Variants in USO1 observed in about 807,000 individuals in gnomAD.
USO1 encodes the protein USO1 vesicle transport factor.
In USO1, 57 loss-of-function variants were observed where a neutral mutation model predicts 124.5. The observed-to-expected ratio is 0.46, with a 90% CI of 0.37 to 0.57. The LOEUF (loss-of-function observed/expected upper bound fraction) is 0.57, where lower values mean the gene tolerates loss of function less well. Among genes scored for constraint, USO1 ranks in the 20% least tolerant of loss-of-function variants. USO1 has a pLI of 0.00. For synonymous variants in USO1, 369 were observed against 362.8 expected (o/e 1.02, Z -0.19); for missense variants, 900 against 1,040.6 (o/e 0.86, Z 1.86).
chr4:75,744,073 G>C (rs919486711), intron 1 of USO1, among the ~76,000 whole-genome samples: 1 of 152,020 alleles, frequency 6.6e-6, no homozygotes. Flanking sequence ...ACTGTGCCTC[G>C]CCCCTGTTTT....
chr4:75,757,463 G>A (rs1301461010), intron 3 of USO1, 34 bp from the exon 4 acceptor site: 1 of 1,432,316 alleles, frequency 7.0e-7, no homozygotes, highest in Non-Finnish European at 9.2e-7. Context: ...ACTCTCATCA[G>A]CAGTGTATAA....
At chr4:75,794,781 C>G (rs541456959) in intron 13 of USO1, among the ~76,000 whole-genome samples, 1 of 152,128 alleles carries the variant, frequency 6.6e-6, no homozygotes. Flanking sequence ...GAAACATTAG[C>G]TCCATCCATA....
At chr4:75,796,399 G>A (rs576183452) in intron 13 of USO1, among the ~76,000 whole-genome samples, 60 of 142,312 alleles carry the variant, frequency 4.2e-4, no homozygotes, top group African/African-American at 1.4e-3. Context: ...GCAATGGCAC[G>A]ATCTTGGCTC....
At chr4:75,809,463 A>T (rs536835487) in intron 21 of USO1, among the ~76,000 whole-genome samples, 3 of 152,074 alleles carry the variant, frequency 2.0e-5, no homozygotes, top group Non-Finnish European at 4.4e-5. Context: ...TCTTCAATTT[A>T]TCTCTCTTCT....
At chr4:75,726,586 T>G (rs1261993081) in intron 1 of USO1, among the ~76,000 whole-genome samples, 3 of 150,124 alleles carry the variant, frequency 2.0e-5, no homozygotes, top group African/African-American at 7.3e-5. Context: ...AAAAAATAAC[T>G]GCGCAGGTCT....
At chr4:75,746,511 C>T (rs1197010993) in intron 1 of USO1, among the ~76,000 whole-genome samples, 1 of 152,168 alleles carries the variant, frequency 6.6e-6, no homozygotes, top group African/African-American at 2.4e-5. Flanking sequence ...TACTTTTGTA[C>T]AGAATTTTTG....
chr4:75,751,839 A>G (rs1250668494), intron 1 of USO1, among the ~76,000 whole-genome samples: 1 of 152,014 alleles, frequency 6.6e-6, no homozygotes, highest in Non-Finnish European at 1.5e-5. Flanking sequence ...TCTCAAAAAA[A>G]AAAATTTTTT....
At chr4:75,777,719 A>G (rs1722110153) in intron 8 of USO1, among the ~76,000 whole-genome samples, 1 of 151,942 alleles carries the variant, frequency 6.6e-6, no homozygotes, top group Admixed American at 6.7e-5. Context: ...GTGGAACAAC[A>G]AAAACACATT....
At chr4:75,739,708 A>G (rs7698393) in intron 1 of USO1, among the ~76,000 whole-genome samples, 136,865 of 151,624 alleles carry the variant, frequency 0.9, 61,918 homozygotes, top group African/African-American at 0.97. Context: ...CACCACACTC[A>G]GCTAGTTTTT....
chr4:75,733,013 C>T (rs1720681703), intron 1 of USO1, among the ~76,000 whole-genome samples: 1 of 150,036 alleles, frequency 6.7e-6, no homozygotes, highest in Non-Finnish European at 1.5e-5. Flanking sequence ...ATAATCTTAG[C>T]ACTTTGGGAG....
At chr4:75,763,797 G>C (rs1177673981) in intron 4 of USO1, among the ~76,000 whole-genome samples, 3 of 151,924 alleles carry the variant, frequency 2.0e-5, no homozygotes, top group African/African-American at 4.8e-5. Flanking sequence ...GAGAGAAGAT[G>C]GTTTACTTGT....
intron 4 of USO1, among the ~76,000 whole-genome samples, chr4:75,758,273 A>G (rs1721499830): frequency 6.6e-6 from 1 of 152,154 alleles, no homozygotes; most frequent in African/African-American, 2.4e-5. Flanking sequence ...TGAAGAGTGT[A>G]TTTGTCATAT....
intron 20 of USO1, among the ~76,000 whole-genome samples, chr4:75,807,903 TTAAG>T (rs1560463246): frequency 6.6e-6 from 1 of 152,096 alleles, no homozygotes; most frequent in Non-Finnish European, 1.5e-5. Context: ...TATGTATTTT[TTAAG>T]TGACAGTTTT....
chr4:75,739,748 T>C (rs776368785), intron 1 of USO1, among the ~76,000 whole-genome samples: 58 of 151,918 alleles, frequency 3.8e-4, no homozygotes, highest in Non-Finnish European at 7.7e-4. Flanking sequence ...GGTTTCACCA[T>C]GTTGGCCAGG....
chr4:75,784,840 A>C (rs1254062944), intron 9 of USO1, among the ~76,000 whole-genome samples: 1 of 152,182 alleles, frequency 6.6e-6, no homozygotes. Context: ...GCATGTAAAC[A>C]GAAAAATACA....
intron 19 of USO1, among the ~76,000 whole-genome samples, chr4:75,806,120 T>C (rs1175986190): frequency 1.3e-5 from 2 of 151,998 alleles, no homozygotes; most frequent in Non-Finnish European, 2.9e-5. Context: ...GCCTCCCGAG[T>C]AGCTGGGATT....
chr4:75,759,244 ACC>A (rs1560443222), intron 4 of USO1, among the ~76,000 whole-genome samples: 3 of 10,660 alleles, frequency 2.8e-4, no homozygotes, highest in African/African-American at 1.4e-3. Context: ...TTTATTAAGG[ACC>A]TTTTTTTTTT....
At chr4:75,769,302 A>G (rs1179846010) in intron 4 of USO1, among the ~76,000 whole-genome samples, 1 of 152,204 alleles carries the variant, frequency 6.6e-6, no homozygotes, top group African/African-American at 2.4e-5. Context: ...ATAAGAGATG[A>G]TTAAGAGAAA....
At chr4:75,799,834 C>A in intron 14 of USO1, 102 bp downstream of exon 14, 2 of 1,362,708 alleles carry the variant, frequency 1.5e-6, no homozygotes, top group Non-Finnish European at 2.0e-6. Flanking sequence ...TTGAATTCTC[C>A]ACTATCTTAT....
Sources: allele counts gnomAD v4.1 joint callset (sites outside exome capture counted in the v4.1 genomes callset), GRCh38; gene constraint gnomAD v4.1.1; transcripts MANE v1.5; gene names NCBI Gene and HGNC (gene_info 2026-07-23, HGNC 2026-07-21).